Variants in ARHGEF17 observed in about 807,000 individuals in gnomAD.
The protein encoded by ARHGEF17 is Rho guanine nucleotide exchange factor 17.
In ARHGEF17, 80 loss-of-function variants were observed where a neutral mutation model predicts 174.0. The observed-to-expected ratio is 0.46, with a 90% CI of 0.38 to 0.55. The LOEUF is 0.55. Among genes scored for constraint, ARHGEF17 ranks in the 20% least tolerant of loss-of-function variants. The probability of loss-of-function intolerance (pLI) is 0.00; values close to 1 mark genes in which losing one functional copy is unlikely to be tolerated. For missense variants in ARHGEF17, 2,886 were observed against 2,839.7 expected, an observed-to-expected ratio of 1.02 and a Z score of -0.37; for synonymous variants, 1,311 against 1,189.1, an observed-to-expected ratio of 1.10 and a Z score of -2.11.
chr11:73,345,734 G>A (rs1026079170), intron 1 of ARHGEF17, among the ~76,000 whole-genome samples: 10 of 152,170 alleles, frequency 6.6e-5, no homozygotes, highest in African/African-American at 1.9e-4. Flanking sequence ...CCCGAGATAC[G>A]GTCCACAGAT....
chr11:73,360,970 C>T (rs973002127), intron 11 of ARHGEF17, 118 bp from the exon 12 acceptor site: 3 of 785,630 alleles, frequency 3.8e-6, no homozygotes, highest in Non-Finnish European at 6.2e-6. Context: ...GGGATCAGGC[C>T]TTCCCCTAAA....
chr11:73,333,859 C>T (rs1271272458), intron 1 of ARHGEF17, among the ~76,000 whole-genome samples: 1 of 152,208 alleles, frequency 6.6e-6, no homozygotes, highest in African/African-American at 2.4e-5. Context: ...CCTCTTTGAG[C>T]CTCTGTGCCC....
intron 1 of ARHGEF17, among the ~76,000 whole-genome samples, chr11:73,336,755 G>A (rs1306207069): frequency 6.6e-6 from 1 of 152,198 alleles, no homozygotes; most frequent in Non-Finnish European, 1.5e-5. Context: ...CCTCAGCTAG[G>A]CACTTCTCAC....
chr11:73,363,068 G>C (rs1682056023), intron 14 of ARHGEF17, 138 bp from the exon 15 acceptor site: 1 of 1,233,808 alleles, frequency 8.1e-7, no homozygotes, highest in Admixed American at 2.9e-5. Flanking sequence ...CAGGGCAGCA[G>C]ACCGGAGCAG....
At position 73,309,475 on chromosome 11, in the gene ARHGEF17, C is replaced by T. The variant is rs1273646121; in HGVS notation, c.837C>T (p.Asp279=). 3.9e-6 allele frequency: 6 copies of T among 1,542,504 alleles called. No individual in the cohort carries two copies. Among genetic ancestry groups the T allele is most frequent in the Non-Finnish European group, 4.4e-6 (5 of 1,143,364 alleles). ...YHGGHSSGSD[D]DRDGEGGHRW... ...GCGGCCACTCCTCGGGCAGTGACGA[C>T]GACCGAGACGGTGAGGGCGGCCACC... Residue 279 remains aspartate, a synonymous_variant, in exon 1 of 21, where the codon GAC becomes GAT. Coordinates refer to ENST00000263674, the MANE Select transcript of ARHGEF17 (RefSeq NM_014786.4).
rs769247062 is a variant in ARHGEF17, at chr11:73,311,765, C to T, written c.3127C>T (p.Pro1043Ser). 6.2e-7 allele frequency: 1 copy of T among 1,612,532 alleles called. No individual in the cohort carries two copies. Among genetic ancestry groups the T allele is most frequent in the East Asian group, 2.2e-5 (1 of 44,866 alleles). The change falls in exon 1 of 21, where the codon CCT (proline) becomes TCT (serine). Residue 1043 changes from proline to serine, a missense_variant. Physicochemically the swap from Pro to Ser is moderately conservative, Grantham distance 74. This residue lies in a region of ARHGEF17 where 1,728 missense variants were observed against 1,461.2 expected (regional missense o/e 1.18). Coordinates refer to ENST00000263674, the MANE Select transcript of ARHGEF17 (RefSeq NM_014786.4). ...ACCGCCCTCTGCTGAGGCCAAGCCC[C>T]CTGAGGCAGCTCGGCCTGCAGATGA... The part of the protein sequence containing the change: ...AAPPSAEAKP[P>S]EAARPADEPT...
rs749852347 is a variant in ARHGEF17, at chr11:73,360,530, C to T, written c.4417C>T (p.Leu1473=). 2 of 1,613,784 alleles carry T rather than the reference C, an allele frequency of 1.2e-6. No individual in the cohort carries two copies. ...EQAFDEAKRK[L]ASSKSCLDPE... ...GGCCTTCGATGAGGCCAAGAGGAAG[C>T]TGGGTAAGCCAAGGCACATGTTGGC... Residue 1473 remains leucine, a synonymous_variant, in exon 11 of 21, where the codon CTG becomes TTG. Transcript: ENST00000263674.
chr11:73,333,174 A>G (rs1865236381), intron 1 of ARHGEF17, among the ~76,000 whole-genome samples: 1 of 152,220 alleles, frequency 6.6e-6, no homozygotes, highest in Non-Finnish European at 1.5e-5. Flanking sequence ...TAATAATGAC[A>G]AGACTAGAAA....
intron 1 of ARHGEF17, among the ~76,000 whole-genome samples, chr11:73,344,306 C>T (rs965542338): frequency 3.3e-5 from 5 of 152,260 alleles, no homozygotes; most frequent in Admixed American, 6.5e-5. Context: ...GGGCTGCTCG[C>T]GCAGTGACAG....
At chr11:73,343,319 C>G in intron 1 of ARHGEF17, 1 of 396,978 alleles carries the variant, frequency 2.5e-6, no homozygotes, top group East Asian at 3.6e-5. Flanking sequence ...TGGGCCATGG[C>G]CTAGAACTCA....
rs982447614 is a variant in ARHGEF17, at chr11:73,369,107, G to A, written c.*1327G>A. 7 of 152,374 alleles carry A rather than the reference G, an allele frequency of 4.6e-5. No homozygotes were observed. Among genetic ancestry groups the A allele is most frequent in the African/African-American group, 1.7e-4 (7 of 41,424 alleles). 9.4% of individuals were successfully genotyped at this position (152,374 alleles called of 1,614,324 possible). A position where few individuals can be genotyped will look rare whatever the true frequency, so the allele number is the denominator to read the frequency against. ...GATGACTGCATTGGTGGCCACAGTG[G>A]CCTCCTGTCAGCAACCTCAGGGCTC... On this transcript the variant is annotated 3_prime_UTR_variant, in exon 21 of 21. Coordinates refer to ENST00000263674, the MANE Select transcript of ARHGEF17 (RefSeq NM_014786.4).
In ARHGEF17 at chr11:73,362,231, C is replaced by G. The variant is rs775613660; in HGVS notation, c.4686C>G (p.Arg1562=). The change falls in exon 13 of 21, where the codon CGC becomes CGG. Residue 1562 remains arginine (R), a synonymous_variant. Coordinates refer to ENST00000263674, the MANE Select transcript of ARHGEF17 (RefSeq NM_014786.4). The part of the protein sequence containing the change: ...CIGAVPGLQP[R]CHREPPPSLR... ...GGGCGGTGCCCGGGCTGCAGCCTCG[C>G]TGCCACCGGTGAGGCCTGGGCGGCG... is the stretch of plus-strand genomic sequence containing the variant. 3.3e-6 allele frequency: 5 copies of G among 1,537,832 alleles called. No homozygotes were observed. In the South Asian group the frequency reaches 3.6e-5, roughly 11 times the overall value.
rs1297859413 is a variant in ARHGEF17, at chr11:73,360,549, T to G, written c.4420+16T>G. The G allele has an allele frequency of 6.2e-7, 1 of 1,613,252 alleles. No individual in the cohort carries two copies. Among genetic ancestry groups the G allele is most frequent in the South Asian group, 1.1e-5 (1 of 91,066 alleles). On this transcript the variant is annotated intron_variant, in intron 11 of 20. Coordinates refer to ENST00000263674, the MANE Select transcript of ARHGEF17 (RefSeq NM_014786.4). ...AGGAAGCTGGGTAAGCCAAGGCACATGTTGGCCCTCTCCTCCTAGAGCTTC... is the reference window on the plus strand; with the variant it reads ...AGGAAGCTGGGTAAGCCAAGGCACAGGTTGGCCCTCTCCTCCTAGAGCTTC...
chr11:73,313,396 C>T (rs1565186889), intron 1 of ARHGEF17, among the ~76,000 whole-genome samples: 1 of 152,124 alleles, frequency 6.6e-6, no homozygotes, highest in Non-Finnish European at 1.5e-5. Context: ...TTTCTGGGAG[C>T]CTTGAAGGCT....
At chr11:73,332,715 G>A (rs1442438148) in intron 1 of ARHGEF17, among the ~76,000 whole-genome samples, 1 of 151,978 alleles carries the variant, frequency 6.6e-6, no homozygotes, top group African/African-American at 2.4e-5. Flanking sequence ...GTTCCTGGGG[G>A]GCGGGAATCC....
chr11:73,339,870 A>G (rs1265676303), intron 1 of ARHGEF17, among the ~76,000 whole-genome samples: 4 of 152,000 alleles, frequency 2.6e-5, no homozygotes, highest in Non-Finnish European at 5.9e-5. Flanking sequence ...AGAGGTGTTT[A>G]TGGTTGGGTG....
chr11:73,363,506 T>C (rs1185614789), intron 15 of ARHGEF17, 51 bp downstream of exon 15: 9 of 1,571,646 alleles, frequency 5.7e-6, no homozygotes, highest in Non-Finnish European at 7.8e-6. Flanking sequence ...CTGAGCTCCC[T>C]GCTCTGGAAA....
chr11:73,362,427 T>A lies in ARHGEF17; in HGVS notation c.4695-6T>A. On this transcript the variant is annotated splice_region_variant and splice_polypyrimidine_tract_variant and intron_variant, in intron 13 of 20. Coordinates refer to ENST00000263674, the MANE Select transcript of ARHGEF17 (RefSeq NM_014786.4). The stretch of plus-strand genomic sequence containing the variant: ...CTGCTGTCATCCTCACTCCGTCTTC[T>A]CGCAGGGAGCCTCCTCCGTCGCTGA... 4.5e-6 allele frequency: 7 copies of A among 1,543,906 alleles called. No homozygotes were observed. The highest frequency in any genetic ancestry group is 6.1e-6 in the Non-Finnish European group (7 of 1,150,708).
Position 73,309,719 on chromosome 11 carries a change from C to T in ARHGEF17, c.1081C>T (p.Pro361Ser), listed in dbSNP as rs1256622631. ...CVPGPQEGLR[P>S]MSDSVGGAFR... ...CCCAGGTCCCCAGGAGGGACTTCGG[C>T]CTATGTCTGACTCTGTGGGAGGAGC... Residue 361 changes from proline to serine, a missense_variant, in exon 1 of 21, where the codon CCT becomes TCT. This residue lies in a region of ARHGEF17 where 1,728 missense variants were observed against 1,461.2 expected (regional missense o/e 1.18). Transcript: ENST00000263674. 1.9e-6 allele frequency: 3 copies of T among 1,612,818 alleles called. No homozygotes were observed. Among genetic ancestry groups the T allele is most frequent in the African/African-American group, 2.7e-5 (2 of 74,946 alleles).
Sources: gnomAD v4.1 joint callset for allele counts (sites outside exome capture counted in the v4.1 genomes callset) on GRCh38, gnomAD v4.1.1 for gene constraint, gnomAD v4.1.1 regional missense constraint, MANE v1.5 for transcripts, NCBI Gene and HGNC (gene_info 2026-07-23, HGNC 2026-07-21) for gene names.